PRDX3: variants seen among roughly 807,000 people sequenced by gnomAD.
The protein encoded by PRDX3 is thioredoxin-dependent peroxide reductase, mitochondrial.
PRDX3 carries 20 observed loss-of-function variants against 30.4 expected under a neutral mutation model. That is an observed-to-expected ratio of 0.66 (90% CI 0.46 to 0.96). The LOEUF (loss-of-function observed/expected upper bound fraction) is 0.96. PRDX3 is among the 40% of genes least tolerant of loss of function. The pLI is 0.00. For synonymous variants in PRDX3, 124 were observed against 117.8 expected (o/e 1.05, Z -0.34); for missense variants, 322 against 318.3 (o/e 1.01, Z -0.09).
At chr10:119,174,684 A>G in intron 2 of PRDX3, 92 bp from the exon 3 acceptor site, 2 of 1,260,044 alleles carry the variant, frequency 1.6e-6, no homozygotes, top group Non-Finnish European at 1.1e-6. Context: ...AATTAGTAGT[A>G]TAAAGTGCTT....
rs747069870 is a variant in PRDX3 at position 119,169,361 on chromosome 10, TCA to T, written c.552-21_552-20del. 1 of 1,608,336 alleles carries T rather than the reference TCA, an allele frequency of 6.2e-7. No individual in the cohort carries two copies. The highest frequency in any genetic ancestry group is 1.3e-5 in the African/African-American group (1 of 74,796). The stretch of plus-strand genomic sequence containing the variant: ...GAGACCTCTGCATGATCATTTATCC[TCA>T]TCAGTGCCTCAACAGTACCAGAACT... On this transcript the variant is annotated intron_variant, in intron 5 of 6. Transcript: ENST00000298510.
chr10:119,175,447 G>C (rs1353725612), intron 2 of PRDX3, among the ~76,000 whole-genome samples: 1 of 152,234 alleles, frequency 6.6e-6, no homozygotes, highest in African/African-American at 2.4e-5. Context: ...CCAGGCTGGA[G>C]TGCAGTGGCA....
chr10:119,173,141 T>C (rs1337797968), intron 4 of PRDX3, among the ~76,000 whole-genome samples: 1 of 152,054 alleles, frequency 6.6e-6, no homozygotes, highest in South Asian at 2.1e-4. Flanking sequence ...GGTTTCACCG[T>C]GTTAGCCAGG....
In PRDX3 at chr10:119,178,758, C is replaced by T. The variant is rs1380235295; in HGVS notation, c.33G>A (p.Ala11=). 1 of 1,552,320 alleles carries T rather than the reference C, an allele frequency of 6.4e-7. No homozygotes were observed. Among genetic ancestry groups the T allele is most frequent in the Admixed American group, 2.0e-5 (1 of 51,224 alleles). Residue 11 remains alanine (A), a synonymous_variant, in exon 1 of 7, where the codon GCG becomes GCA. Transcript: ENST00000298510. The part of the protein sequence containing the change: MAAAVGRLLR[A]SVARHVSAIP... ...TCCCCAGCCGACAGCCACTCACCGA[C>T]GCTCGGAGCAACCGTCCTACAGCAG...
At chr10:119,174,348 C>T (rs1457322236) in intron 3 of PRDX3, 103 bp downstream of exon 3, 1 of 1,333,316 alleles carries the variant, frequency 7.5e-7, no homozygotes, top group African/African-American at 1.5e-5. Flanking sequence ...CAGAAAGAAT[C>T]CTTCCTTTCA....
Position 119,172,546 on chromosome 10 carries a change from A to G in PRDX3, c.448-61T>C. 2.2e-6 allele frequency: 3 copies of G among 1,376,070 alleles called. 1 individual carries two copies. The highest frequency in any genetic ancestry group is 3.1e-6 in the Non-Finnish European group (3 of 964,184). The allele number at this position is 1,376,070 out of a possible 1,614,324, so 85.2% of individuals were successfully genotyped here. A position where few individuals can be genotyped will look rare whatever the true frequency, so the allele number is the denominator to read the frequency against. ...GGCCTCACAACATTCTTGACCACGT[A>G]CCACAATGTTTGAGACCAACAGTAA... On this transcript the variant is annotated intron_variant, in intron 4 of 6. Transcript: ENST00000298510.
intron 6 of PRDX3, 101 bp from the exon 7 acceptor site, chr10:119,168,634 A>C: frequency 6.5e-7 from 1 of 1,528,662 alleles, no homozygotes. Flanking sequence ...AGTTCTTTAA[A>C]CTTTTAAAGA....
At chr10:119,177,601 G>C (rs2133666934) in intron 1 of PRDX3, among the ~76,000 whole-genome samples, 1 of 147,014 alleles carries the variant, frequency 6.8e-6, no homozygotes, top group South Asian at 2.1e-4. Context: ...AGAGGTTGCA[G>C]AGCCGAGATC....
Position 119,173,817 on chromosome 10 carries a change from G to A in PRDX3, c.367C>T (p.His123Tyr). 6.2e-7 allele frequency: 1 copy of A among 1,612,568 alleles called. No individual in the cohort carries two copies. Among genetic ancestry groups the A allele is most frequent in the Non-Finnish European group, 8.5e-7 (1 of 1,179,072 alleles). Reference sequence around the variant, plus strand: ...GCGACAACTTCACAGTTCACGTCGTGAAATTCGTTAGCTTTGTCACTAAAA... The same window carrying A: ...GCGACAACTTCACAGTTCACGTCGTAAAATTCGTTAGCTTTGTCACTAAAA... ...VAFSDKANEFHDVNCEVVAVS... is the reference protein window; with the variant it reads ...VAFSDKANEFYDVNCEVVAVS... Residue 123 changes from histidine (H) to tyrosine (Y), a missense_variant, in exon 4 of 7, where the codon CAC becomes TAC. By Grantham distance (83) the His-to-Tyr change is moderately conservative (BLOSUM62 2). Transcript: ENST00000298510.
chr10:119,177,171 T>C lies in PRDX3; in HGVS notation c.37-18A>G, dbSNP rs202166942. 74 of 1,611,740 alleles carry C rather than the reference T, an allele frequency of 4.6e-5. No individual in the cohort carries two copies. Among genetic ancestry groups the C allele is most frequent in the Admixed American group, 3.0e-4 (18 of 59,998 alleles). On this transcript the variant is annotated intron_variant, in intron 1 of 6. Transcript: ENST00000298510. ...CGGGCAACCTGGAAAGAGAAACTTTTTATTAGAAAGTTTTCCTGGACTGGT... is the reference window on the plus strand; with the variant it reads ...CGGGCAACCTGGAAAGAGAAACTTTCTATTAGAAAGTTTTCCTGGACTGGT...
chr10:119,173,609 CAA>C (rs982971792), intron 4 of PRDX3, 126 bp downstream of exon 4: 221 of 955,538 alleles, frequency 2.3e-4, no homozygotes, highest in African/African-American at 8.1e-4. Flanking sequence ...AGCTCCGTCT[CAA>C]AAAAAAAAAA....
Position 119,169,179 on chromosome 10 carries a change from T to G in PRDX3, c.715A>C (p.Thr239Pro). Residue 239 changes from threonine (T) to proline (P), a missense_variant and splice_region_variant, in exon 6 of 7, where the codon ACG (threonine) becomes CCG (proline). Coordinates refer to ENST00000298510, the MANE Select transcript of PRDX3 (RefSeq NM_006793.5). The part of the protein sequence containing the change: ...CPANWTPDSP[T>P]IKPSPAASKE... ...TGCTTTTGGGGAAAAAAACCTACCG[T>G]AGGAGAATCCGGTGTCCAGTTCGCT... 1 of 1,612,124 alleles carries G rather than the reference T, an allele frequency of 6.2e-7. No individual in the cohort carries two copies. The highest frequency in any genetic ancestry group is 1.3e-5 in the African/African-American group (1 of 74,956).
In PRDX3 at chr10:119,175,137, T is replaced by C. The variant is rs75579129; in HGVS notation, c.170-545A>G. On this transcript the variant is annotated intron_variant, in intron 2 of 6. Transcript: ENST00000298510. The stretch of plus-strand genomic sequence containing the variant: ...TAAAAAGAGGAAGACAAAGTAGGGA[T>C]AGAATTAAGGAAGACATGAGACTAG... 5.0e-3 allele frequency among the ~76,000 whole-genome samples: 754 copies of C among 152,246 alleles called. 5 individuals carry two copies. Among genetic ancestry groups the C allele is most frequent in the Admixed American group, 7.7e-3 (117 of 15,294 alleles).
rs1262353738 is a variant in PRDX3, at chr10:119,168,472, T to C, written c.*8A>G. 2.5e-6 allele frequency: 4 copies of C among 1,613,576 alleles called. No homozygotes were observed. The South Asian group carries it at 3.3e-5, about 13-fold the overall frequency. The stretch of plus-strand genomic sequence containing the variant: ...TCAGTTGAGAAGGTGCAGATACACA[T>C]GGGTGATCTACTGATTTACCTTCTG... On this transcript the variant is annotated 3_prime_UTR_variant, in exon 7 of 7. Transcript: ENST00000298510.
intron 2 of PRDX3, among the ~76,000 whole-genome samples, chr10:119,176,438 G>A (rs1010809208): frequency 6.6e-6 from 1 of 152,160 alleles, no homozygotes. Flanking sequence ...TATTAAATAC[G>A]GGCTTTTTCA....
At chr10:119,174,268 C>T (rs1004422525) in intron 3 of PRDX3, among the ~76,000 whole-genome samples, 183 bp downstream of exon 3, 2 of 152,166 alleles carry the variant, frequency 1.3e-5, no homozygotes, top group Non-Finnish European at 2.9e-5. Context: ...ACCCCACCCC[C>T]GAAGTTTATC....
intron 6 of PRDX3, among the ~76,000 whole-genome samples, chr10:119,168,952 G>A (rs942851980): frequency 8.9e-5 from 12 of 134,842 alleles, no homozygotes; most frequent in Non-Finnish European, 1.6e-4. Flanking sequence ...CAGCCTGGGC[G>A]AGAGCAAGAC....
intron 2 of PRDX3, 188 bp from the exon 3 acceptor site, chr10:119,174,780 C>T (rs543987400): frequency 4.0e-6 from 2 of 498,418 alleles, no homozygotes; most frequent in East Asian, 3.3e-5. Context: ...TCTAGGATAT[C>T]GAAATCTACA....
chr10:119,172,855 T>C (rs1384885820), intron 4 of PRDX3, among the ~76,000 whole-genome samples: 1 of 152,120 alleles, frequency 6.6e-6, no homozygotes, highest in Non-Finnish European at 1.5e-5. Context: ...AGCCTCAAAC[T>C]CCTGGGCTCA....
Sources: gnomAD v4.1 joint callset for allele counts (sites outside exome capture counted in the v4.1 genomes callset) on GRCh38, gnomAD v4.1.1 for gene constraint, MANE v1.5 for transcripts, NCBI Gene and HGNC (gene_info 2026-07-23, HGNC 2026-07-21) for gene names.